The following CDCP1 variants were observed in gnomAD, a reference collection of about 807,000 sequenced individuals.
CDCP1 encodes the protein CUB domain containing protein 1, also known as CUB domain-containing protein 1.
A neutral mutation model predicts 60.2 loss-of-function variants in CDCP1; 29 were observed. The observed-to-expected ratio is 0.48, with a 90% CI of 0.36 to 0.66. The LOEUF (loss-of-function observed/expected upper bound fraction) is 0.66. Among genes scored for constraint, CDCP1 ranks in the 30% least tolerant of loss-of-function variants. The pLI, the probability that CDCP1 is intolerant of heterozygous loss-of-function variation, is 0.00. For missense variants in CDCP1, 876 were observed against 1,074.3 expected (o/e 0.82, Z 2.58); for synonymous variants, 387 against 431.1 (o/e 0.90, Z 1.27).
chr3:45,088,915 C>A, intron 8 of CDCP1, 139 bp downstream of exon 8: 1 of 726,864 alleles, frequency 1.4e-6, no homozygotes, highest in South Asian at 1.7e-5. Context: ...TGACTCACAC[C>A]TGGCAATATT....
At position 45,082,861 on chromosome 3, in the gene CDCP1, T is replaced by G. The variant is rs1698126888; in HGVS notation, c.*2777A>C. On this transcript the variant is annotated 3_prime_UTR_variant, in exon 9 of 9. Coordinates refer to ENST00000296129, the MANE Select transcript of CDCP1 (RefSeq NM_022842.5). ...TCCAGTGACCCTGAAATGTTTTACG[T>G]AAGTGGGGCCTGGGCTTTAAAGAAA... The G allele has an allele frequency of 6.6e-6, 1 of 152,232 alleles. No homozygotes were observed. The highest frequency in any genetic ancestry group is 2.1e-4 in the South Asian group (1 of 4,836). The allele number at this position is 152,232 out of a possible 1,614,324, so 9.4% of individuals were successfully genotyped here.
chr3:45,094,625 T>C (rs961095473), intron 5 of CDCP1, among the ~76,000 whole-genome samples: 7 of 144,980 alleles, frequency 4.8e-5, no homozygotes, highest in African/African-American at 1.5e-4. Context: ...GGATGAAAAA[T>C]AGAACGAGTC....
chr3:45,144,831 T>C (rs1488629888), intron 1 of CDCP1, among the ~76,000 whole-genome samples: 1 of 152,192 alleles, frequency 6.6e-6, no homozygotes, highest in Non-Finnish European at 1.5e-5. Flanking sequence ...TCTTGGAAAT[T>C]CAGTCCTAAG....
chr3:45,115,940 CT>C (rs1698782803), intron 2 of CDCP1, among the ~76,000 whole-genome samples: 1 of 152,074 alleles, frequency 6.6e-6, no homozygotes, highest in Non-Finnish European at 1.5e-5. Context: ...TAAGTCTTCT[CT>C]TTTGTCTTTC....
In CDCP1 at chr3:45,088,347, G is replaced by A. The variant is rs551258696; in HGVS notation, c.2081+707C>T. 1.4e-3 allele frequency among the ~76,000 whole-genome samples: 213 copies of A among 152,154 alleles called. 5 individuals are homozygous for A. The highest frequency in any genetic ancestry group is 0.012 in the Admixed American group (181 of 15,278). On this transcript the variant is annotated intron_variant, in intron 8 of 8. Coordinates refer to ENST00000296129, the MANE Select transcript of CDCP1 (RefSeq NM_022842.5). ...AAAATACAAAAAAAATTAGCTGGGC[G>A]TGGTGGTGTGTGCCTGTAGTCCCAG... is the stretch of plus-strand genomic sequence containing the variant.
intron 4 of CDCP1, among the ~76,000 whole-genome samples, chr3:45,098,465 A>G (rs1576084721): frequency 6.6e-6 from 1 of 152,182 alleles, no homozygotes; most frequent in East Asian, 1.9e-4. Context: ...GCAGTAAAAC[A>G]TGCTCTGTTC....
At position 45,085,655 on chromosome 3, in the gene CDCP1, T is replaced by A. The variant is rs369387897; in HGVS notation, c.2494A>T (p.Met832Leu). The change falls in exon 9 of 9, where the codon ATG (methionine) becomes TTG (leucine). Residue 832 changes from methionine (M) to leucine (L), a missense_variant. Physicochemically the swap from Met to Leu is conservative, Grantham distance 15 (BLOSUM62 2). Transcript: ENST00000296129. The surrounding 1 kb of genome is among the most constrained non-coding windows in gnomAD (Gnocchi z 4.2). ...GGATCAAGTTATTCTGCTGGCTCCA[T>A]GGGCTCCTGAGTGTTCAGTAAGGGA... ...DIPLLNTQEP[M>L]EPAE is the part of the protein sequence containing the mutation. 1.2e-6 allele frequency: 2 copies of A among 1,612,144 alleles called. No individual in the cohort carries two copies. Among genetic ancestry groups the A allele is most frequent in the Non-Finnish European group, 1.7e-6 (2 of 1,178,496 alleles).
chr3:45,089,026 G>C (rs770399201), intron 8 of CDCP1, 28 bp downstream of exon 8: 1 of 1,570,440 alleles, frequency 6.4e-7, no homozygotes, highest in East Asian at 2.2e-5. Flanking sequence ...CATCAAATCA[G>C]ATAAAGAGAG....
At chr3:45,119,579 G>A (rs1209609102) in intron 1 of CDCP1, among the ~76,000 whole-genome samples, 1 of 152,196 alleles carries the variant, frequency 6.6e-6, no homozygotes, top group Non-Finnish European at 1.5e-5. Flanking sequence ...ACAGCTGGTC[G>A]GGATCTGTTA....
chr3:45,119,317 G>A (rs1286856440), intron 1 of CDCP1, among the ~76,000 whole-genome samples: 2 of 152,182 alleles, frequency 1.3e-5, no homozygotes, highest in Non-Finnish European at 2.9e-5. Context: ...TCAGAGTAGG[G>A]CTCTGGTTCA....
At chr3:45,119,177 T>C (rs1698842621) in intron 1 of CDCP1, among the ~76,000 whole-genome samples, 1 of 152,190 alleles carries the variant, frequency 6.6e-6, no homozygotes, top group African/African-American at 2.4e-5. Context: ...AATCATATTA[T>C]ATCAATGAAT....
intron 4 of CDCP1, among the ~76,000 whole-genome samples, chr3:45,095,870 A>G (rs1698388825): frequency 6.6e-6 from 1 of 152,246 alleles, no homozygotes. Context: ...TGCTACAAAT[A>G]AGGTTAAAGG....
chr3:45,113,500 C>A (rs1698734143), intron 2 of CDCP1, among the ~76,000 whole-genome samples: 1 of 152,142 alleles, frequency 6.6e-6, no homozygotes, highest in Non-Finnish European at 1.5e-5. Context: ...ACTCTGGCCT[C>A]CATAATAATA....
In CDCP1 at chr3:45,124,130, C is replaced by T. The variant is rs116594676; in HGVS notation, c.83-5509G>A. On this transcript the variant is annotated intron_variant, in intron 1 of 8. Transcript: ENST00000296129. ...GTTTTAATCATCATTCATGATTCAC[C>T]ATTCATTAATCACCATATCACACAT... 1.7e-3 allele frequency among the ~76,000 whole-genome samples: 263 copies of T among 152,236 alleles called. 1 individual carries two copies. The highest frequency in any genetic ancestry group is 6.1e-3 in the African/African-American group (254 of 41,546).
chr3:45,116,360 T>A (rs1484556154), intron 2 of CDCP1, among the ~76,000 whole-genome samples: 1 of 151,544 alleles, frequency 6.6e-6, no homozygotes, highest in Non-Finnish European at 1.5e-5. Context: ...TTATGTATCA[T>A]CTATGGCAGA....
Position 45,085,792 on chromosome 3 carries a change from G to A in CDCP1, c.2357C>T (p.Ala786Val), listed in dbSNP as rs769955389. 7 of 1,614,186 alleles carry A rather than the reference G, an allele frequency of 4.3e-6. No individual in the cohort carries two copies. In the South Asian group the frequency reaches 7.7e-5, roughly 18 times the overall value. ...PPTICSRAPT[A>V]KLATEEPPPR... ...AGGTGGCTCCTCAGTGGCCAACTTT[G>A]CAGTTGGGGCCCTGGAGCATATGGT... Residue 786 changes from alanine (A) to valine (V), a missense_variant, in exon 9 of 9, where the codon GCA becomes GTA. Physicochemically the swap from Ala to Val is moderately conservative, Grantham distance 64 (BLOSUM62 0). Transcript: ENST00000296129. This position sits in a 1 kb window ranked among gnomAD's most constrained non-coding sequence, Gnocchi z 4.2.
intron 1 of CDCP1, among the ~76,000 whole-genome samples, chr3:45,124,015 C>T (rs948628068): frequency 9.2e-5 from 14 of 152,310 alleles, no homozygotes; most frequent in African/African-American, 3.4e-4. Flanking sequence ...TCTCCTGCCT[C>T]CTGACCTCTC....
At chr3:45,124,057 C>G (rs1393450891) in intron 1 of CDCP1, among the ~76,000 whole-genome samples, 1 of 152,148 alleles carries the variant, frequency 6.6e-6, no homozygotes, top group Non-Finnish European at 1.5e-5. Context: ...GCATCTGCCT[C>G]ACCAGCTCCT....
At chr3:45,110,884 T>C in intron 3 of CDCP1, 43 bp from the exon 4 acceptor site, 1 of 1,577,884 alleles carries the variant, frequency 6.3e-7, no homozygotes, top group Non-Finnish European at 8.6e-7. Context: ...AGGGAGCCAT[T>C]AGACCCTGTC....
Sources: allele counts gnomAD v4.1 joint callset (sites outside exome capture counted in the v4.1 genomes callset), GRCh38; gene constraint gnomAD v4.1.1; non-coding constraint Gnocchi (gnomAD v3.1); transcripts MANE v1.5; gene names NCBI Gene and HGNC (gene_info 2026-07-23, HGNC 2026-07-21).